PER2: variants seen among roughly 807,000 people sequenced by gnomAD.
The protein encoded by PER2 is period circadian regulator 2.
A neutral mutation model predicts 121.0 loss-of-function variants in PER2; 66 were observed. The ratio of observed to expected loss-of-function variants is 0.55; its 90% CI spans 0.45 to 0.67. PER2 has a LOEUF of 0.67. PER2 is among the 30% of genes least tolerant of loss of function. PER2 has a pLI of 0.00. For missense variants in PER2, 1,521 were observed against 1,635.0 expected (o/e 0.93, Z 1.20); for synonymous variants, 684 against 659.9 (o/e 1.04, Z -0.56).
chr2:238,294,563 A>G (rs1318832254), upstream of PER2, among the ~76,000 whole-genome samples: 1 of 152,240 alleles, frequency 6.6e-6, no homozygotes, highest in Non-Finnish European at 1.5e-5. Flanking sequence ...CGCTTGGCAC[A>G]CATTCTCTTC....
In PER2 at chr2:238,273,072, C is replaced by G; in HGVS notation, c.568G>C (p.Ala190Pro). ...SVTSEHIVKNADMFAVAVSLV... is the reference protein window; with the variant it reads ...SVTSEHIVKNPDMFAVAVSLV... ...AAACTTTGCGGAAAGAGGCTTACGG[C>G]ATTCTTCACAATGTGCTCAGAGGTA... The change falls in exon 5 of 23, where the codon GCC becomes CCC. Residue 190 changes from alanine (A) to proline (P), a missense_variant and splice_region_variant. Coordinates refer to ENST00000254657, the MANE Select transcript of PER2 (RefSeq NM_022817.3). 6.2e-7 allele frequency: 1 copy of G among 1,614,126 alleles called. No homozygotes were observed.
chr2:238,295,446 A>G, the PER2 span: 1 of 152,040 alleles, frequency 6.6e-6, no homozygotes. Flanking sequence ...TAGCTCAGTG[A>G]AGCCTCAAGT....
chr2:238,250,456 G>A lies in PER2; in HGVS notation c.3467+95C>T, dbSNP rs78462742. On this transcript the variant is annotated intron_variant, in intron 21 of 22. Coordinates refer to ENST00000254657, the MANE Select transcript of PER2 (RefSeq NM_022817.3). The stretch of plus-strand genomic sequence containing the variant: ...CTAAATCTAAGTCTTTCAGAGGGGC[G>A]TCCCGCCCCATCTGAATGACCTTGA... 396 of 862,014 alleles carry A rather than the reference G, an allele frequency of 4.6e-4. 3 individuals carry two copies. The African/African-American group carries it at 5.6e-3, about 12-fold the overall frequency. The allele number at this position is 862,014 out of a possible 1,614,324, so 53.4% of individuals were successfully genotyped here.
Position 238,268,860 on chromosome 2 carries a change from G to A in PER2, c.824+63C>T. The A allele has an allele frequency of 1.7e-6, 2 of 1,202,908 alleles. No homozygotes were observed. Among genetic ancestry groups the A allele is most frequent in the Admixed American group, 1.7e-5 (1 of 59,366 alleles). 74.5% of individuals were successfully genotyped at this position (1,202,908 alleles called of 1,614,324 possible). ...ATCACGCCCCCCAGCCTCAAGCGGA[G>A]CAGTGCTGGGGTGAAATGTTTATAC... On this transcript the variant is annotated intron_variant, in intron 7 of 22. Transcript: ENST00000254657. The surrounding 1 kb of genome is among the most constrained non-coding windows in gnomAD (Gnocchi z 4.0).
In PER2 at chr2:238,268,478, G is replaced by A. The variant is rs1367868411; in HGVS notation, c.825-280C>T. Among the ~76,000 whole-genome samples, 1 of 152,186 alleles carries A rather than the reference G, an allele frequency of 6.6e-6. No individual in the cohort carries two copies. Among genetic ancestry groups the A allele is most frequent in the Non-Finnish European group, 1.5e-5 (1 of 68,030 alleles). On this transcript the variant is annotated intron_variant, in intron 7 of 22. Transcript: ENST00000254657. The surrounding 1 kb of genome is among the most constrained non-coding windows in gnomAD (Gnocchi z 4.0). ...GAAAAGGGGTGCTGCTCCCGCCAGGGGTCCTCGGCCCTGACTCCTGAGGGT... is the reference window on the plus strand; with the variant it reads ...GAAAAGGGGTGCTGCTCCCGCCAGGAGTCCTCGGCCCTGACTCCTGAGGGT...
Position 238,252,997 on chromosome 2 carries a change from G to T in PER2, c.3026C>A (p.Thr1009Asn). ...AGCTGCTGTCTCTGTGGCCCCTGTG[G>T]TCCCCATGGCTCCAGTGCCACCCTC... ...APEGGTGAMG[T>N]TGATETAAVG... is the part of the protein sequence containing the mutation. The change falls in exon 19 of 23, where the codon ACC becomes AAC. Residue 1009 changes from threonine (T) to asparagine (N), a missense_variant. Coordinates refer to ENST00000254657, the MANE Select transcript of PER2 (RefSeq NM_022817.3). This position sits in a 1 kb window ranked among gnomAD's most constrained non-coding sequence, Gnocchi z 4.2. 3 of 1,614,002 alleles carry T rather than the reference G, an allele frequency of 1.9e-6. No homozygotes were observed. The highest frequency in any genetic ancestry group is 2.5e-6 in the Non-Finnish European group (3 of 1,180,028).
upstream of PER2, chr2:238,288,703 C>G (rs1696870905): frequency 6.6e-6 from 1 of 151,512 alleles, no homozygotes; most frequent in African/African-American, 2.4e-5. Flanking sequence ...CGGCTCTGTC[C>G]GCCCGGCCCC....
chr2:238,284,604 T>A (rs183385939), intron 1 of PER2, among the ~76,000 whole-genome samples: 22 of 152,306 alleles, frequency 1.4e-4, no homozygotes, highest in Admixed American at 1.4e-3. Flanking sequence ...CAGGCAGTCC[T>A]TAGAGGAGCA....
At position 238,260,941 on chromosome 2, in the gene PER2, T is replaced by G; in HGVS notation, c.1429A>C (p.Ser477Arg). 1 of 1,613,296 alleles carries G rather than the reference T, an allele frequency of 6.2e-7. No individual in the cohort carries two copies. The highest frequency in any genetic ancestry group is 8.5e-7 in the Non-Finnish European group (1 of 1,179,972). Residue 477 changes from serine to arginine, a missense_variant, in exon 13 of 23, where the codon AGC becomes CGC. Coordinates refer to ENST00000254657, the MANE Select transcript of PER2 (RefSeq NM_022817.3). ...HRLLLQPVPH[S>R]GSSGYGSLGS... ...AGACTCCCGTAGCCACTGGAGCCGCTGTGGGGGACGGGCTGGGGAGACAGC... is the reference window on the plus strand; with the variant it reads ...AGACTCCCGTAGCCACTGGAGCCGCGGTGGGGGACGGGCTGGGGAGACAGC...
chr2:238,258,743 G>T, intron 14 of PER2, 99 bp from the exon 15 acceptor site: 1 of 1,237,284 alleles, frequency 8.1e-7, no homozygotes, highest in South Asian at 1.2e-5. Context: ...ACAGGGCTGG[G>T]GACTCAGAAT....
Position 238,268,209 on chromosome 2 carries a change from G to A in PER2, c.825-11C>T, listed in dbSNP as rs377264399. 31 of 1,613,480 alleles carry A rather than the reference G, an allele frequency of 1.9e-5. 1 individual carries two copies. Among genetic ancestry groups the A allele is most frequent in the African/African-American group, 1.2e-4 (9 of 74,920 alleles). ...TGGCTTTTCCGGACACTGCGGAGAA[G>A]AGCCACGCTCTAAGTTGGGAACTGT... On this transcript the variant is annotated splice_polypyrimidine_tract_variant and intron_variant, in intron 7 of 22. Coordinates refer to ENST00000254657, the MANE Select transcript of PER2 (RefSeq NM_022817.3). This position sits in a 1 kb window ranked among gnomAD's most constrained non-coding sequence, Gnocchi z 4.0.
At chr2:238,265,401 C>A (rs1430214366) in intron 9 of PER2, 111 bp downstream of exon 9, 16 of 727,974 alleles carry the variant, frequency 2.2e-5, no homozygotes, top group Non-Finnish European at 3.5e-5. Flanking sequence ...TATATAATTA[C>A]ATGTTTTTGT....
intron 22 of PER2, among the ~76,000 whole-genome samples, chr2:238,248,255 T>G (rs1695499672): frequency 6.6e-6 from 1 of 152,174 alleles, no homozygotes; most frequent in Non-Finnish European, 1.5e-5. Flanking sequence ...GGACGAGGAC[T>G]GAGAAGTGAC....
chr2:238,254,770 A>G (rs1214812658), intron 18 of PER2: 3 of 152,256 alleles, frequency 2.0e-5, no homozygotes, highest in Non-Finnish European at 4.4e-5. Flanking sequence ...TCTAATTTCT[A>G]CAGAGGTTCT....
Position 238,249,169 on chromosome 2 carries a change from G to C in PER2, c.3511C>G (p.Leu1171Val). The change falls in exon 22 of 23, where the codon CTC becomes GTC. Residue 1171 changes from leucine to valine, a missense_variant. Transcript: ENST00000254657. ...VLKEDREKLK[L>V]LQKLQPRFTE... is the part of the protein sequence containing the mutation. The stretch of plus-strand genomic sequence containing the variant: ...AACCTGGGCTGGAGTTTCTGTAGGA[G>C]CTTCAGCTTCTCTCTGTCCTCCTTC... The C allele has an allele frequency of 6.2e-7, 1 of 1,613,876 alleles. No individual in the cohort carries two copies. Among genetic ancestry groups the C allele is most frequent in the Non-Finnish European group, 8.5e-7 (1 of 1,179,750 alleles).
intron 4 of PER2, 106 bp from the exon 5 acceptor site, chr2:238,273,297 T>C (rs912245249): frequency 1.5e-5 from 18 of 1,220,636 alleles, no homozygotes; most frequent in Non-Finnish European, 2.0e-5. Context: ...AATGAAAAGG[T>C]AGGATATAAA....
intron 20 of PER2, 29 bp from the exon 21 acceptor site, chr2:238,250,772 A>G: frequency 6.8e-7 from 1 of 1,476,632 alleles, no homozygotes; most frequent in Non-Finnish European, 9.5e-7. Context: ...TGGTGCGTCA[A>G]AACATTGACA....
intron 6 of PER2, among the ~76,000 whole-genome samples, chr2:238,269,439 G>A (rs1345477790): frequency 7.2e-6 from 1 of 138,784 alleles, no homozygotes; most frequent in Non-Finnish European, 1.5e-5. Context: ...ACACACTCAC[G>A]GTGCACTGCT....
At chr2:238,246,578 C>A (rs1695457975) in intron 22 of PER2, 54 bp from the exon 23 acceptor site, 18 of 1,356,158 alleles carry the variant, frequency 1.3e-5, no homozygotes, top group Non-Finnish European at 1.9e-5. Flanking sequence ...TGAGTTGTTA[C>A]AAAAGTCATT....
Sources: allele counts gnomAD v4.1 joint callset (sites outside exome capture counted in the v4.1 genomes callset), GRCh38; gene constraint gnomAD v4.1.1; non-coding constraint Gnocchi (gnomAD v3.1); transcripts MANE v1.5; gene names NCBI Gene and HGNC (gene_info 2026-07-23, HGNC 2026-07-21).